Variants in NBEA observed in about 807,000 individuals in gnomAD.
NBEA encodes lysosomal-trafficking regulator 2.
A neutral mutation model predicts 343.4 loss-of-function variants in NBEA; 44 were observed. That is an observed-to-expected ratio of 0.13 (90% CI 0.10 to 0.16). The LOEUF is 0.16. NBEA is among the 10% of genes least tolerant of loss of function. The pLI, the probability that NBEA is intolerant of heterozygous loss-of-function variation, is 1.00. For synonymous variants in NBEA, 1,175 were observed against 1,238.7 expected (o/e 0.95, Z 1.08); for missense variants, 2,555 against 3,631.3 (o/e 0.70, Z 7.62).
intron 41 of NBEA, among the ~76,000 whole-genome samples, chr13:35,525,416 G>A (rs778518168): frequency 1.2e-4 from 19 of 152,090 alleles, no homozygotes; most frequent in Non-Finnish European, 2.4e-4. Flanking sequence ...AGCCAGTCGT[G>A]GTGGCGCATG....
rs193066744 is a variant in NBEA at position 35,160,004 on chromosome 13, G to A, written c.3833G>A (p.Arg1278Gln). Residue 1278 changes from arginine to glutamine, a missense_variant, in exon 22 of 59, where the codon CGA becomes CAA. Transcript: ENST00000379939. ...GGCAAAGAATCAGGAAAAGAAATCC[G>A]AAAAATCCAAACAACTACTACGACA... ...DDGKESGKEI[R>Q]KIQTTTTTQA... is the part of the protein sequence containing the mutation. 1.7e-3 allele frequency: 2,753 copies of A among 1,585,416 alleles called. 6 individuals carry two copies. Among genetic ancestry groups the A allele is most frequent in the Non-Finnish European group, 2.1e-3 (2,476 of 1,167,924 alleles).
intron 34 of NBEA, among the ~76,000 whole-genome samples, chr13:35,271,738 G>A (rs529054986): frequency 6.6e-6 from 1 of 152,268 alleles, no homozygotes; most frequent in African/African-American, 2.4e-5. Flanking sequence ...AATAGATCAA[G>A]TTGAAGAAAG....
At chr13:35,330,488 G>A (rs547187391) in intron 36 of NBEA, among the ~76,000 whole-genome samples, 2 of 151,904 alleles carry the variant, frequency 1.3e-5, no homozygotes, top group Non-Finnish European at 2.9e-5. Flanking sequence ...GAAGGGATGG[G>A]TTTCATCCAG....
intron 45 of NBEA, among the ~76,000 whole-genome samples, chr13:35,570,198 T>G (rs979336221): frequency 2.6e-5 from 4 of 152,152 alleles, no homozygotes; most frequent in Non-Finnish European, 5.9e-5. Flanking sequence ...CAAACCTGGC[T>G]AATTTTTTTG....
chr13:35,070,269 T>C (rs1419373017), intron 9 of NBEA, among the ~76,000 whole-genome samples, 164 bp downstream of exon 9: 2 of 152,142 alleles, frequency 1.3e-5, no homozygotes, highest in African/African-American at 4.8e-5. Context: ...CTCTTTTCTA[T>C]AGCAATATAC....
At chr13:35,037,647 A>G (rs112938604) in intron 1 of NBEA, among the ~76,000 whole-genome samples, 15,868 of 152,154 alleles carry the variant, frequency 0.1, 976 homozygotes, top group African/African-American at 0.16. Context: ...ACCAGGCAGA[A>G]TCTCTTGTTC....
intron 38 of NBEA, among the ~76,000 whole-genome samples, chr13:35,400,591 T>C (rs1399087318): frequency 2.0e-5 from 3 of 152,132 alleles, no homozygotes; most frequent in African/African-American, 7.2e-5. Flanking sequence ...TCCAAGATGA[T>C]AGAAAAATAC....
intron 40 of NBEA, among the ~76,000 whole-genome samples, chr13:35,469,026 G>A (rs1449031263): frequency 6.6e-6 from 1 of 150,716 alleles, no homozygotes; most frequent in Non-Finnish European, 1.5e-5. Context: ...TTGAGCTCGG[G>A]GGGCAGAAGT....
rs140187671 is a variant in NBEA, at chr13:35,413,735, A to C, written c.6180-18534A>C. Among the ~76,000 whole-genome samples, 34 of 152,250 alleles carry C rather than the reference A, an allele frequency of 2.2e-4. No individual in the cohort carries two copies. In the East Asian group the frequency reaches 6.6e-3, roughly 29 times the overall value. ...TCCCTTCATTAATTATTGATTGTTC[A>C]TATGTTCTTTTCTTGCAGTAGTACA... On this transcript the variant is annotated intron_variant, in intron 38 of 58. Transcript: ENST00000379939.
In NBEA at chr13:35,159,995, A is replaced by G. The variant is rs187963260; in HGVS notation, c.3824A>G (p.Lys1275Arg). 8.8e-5 allele frequency: 140 copies of G among 1,589,056 alleles called. 2 individuals are homozygous for G. In the Admixed American group the frequency reaches 2.4e-3, roughly 27 times the overall value. ...ERSDDGKESG[K>R]EIRKIQTTTT... is the part of the protein sequence containing the mutation. ...TCTGACGATGGCAAAGAATCAGGAA[A>G]AGAAATCCGAAAAATCCAAACAACT... Residue 1275 changes from lysine (K) to arginine (R), a missense_variant, in exon 22 of 59, where the codon AAA becomes AGA. Around this residue, in one of 21 missense-constraint regions of NBEA, gnomAD observed 367 missense variants for 377.5 expected, o/e 0.97. Coordinates refer to ENST00000379939, the MANE Select transcript of NBEA (RefSeq NM_001385012.1).
chr13:35,087,194 T>G (rs762333725), intron 10 of NBEA, among the ~76,000 whole-genome samples: 2 of 151,848 alleles, frequency 1.3e-5, no homozygotes, highest in Non-Finnish European at 2.9e-5. Context: ...TTGTCTGTAC[T>G]TTTGAGGTCT....
In NBEA at chr13:35,225,777, G is replaced by A. The variant is rs78669680; in HGVS notation, c.5649-6715G>A. ...AGGTTAGCAAGTTCATGCATCCTAAGTCTTCTTGGAGTTCCTATCCTCAGA... is the reference window on the plus strand; with the variant it reads ...AGGTTAGCAAGTTCATGCATCCTAAATCTTCTTGGAGTTCCTATCCTCAGA... On this transcript the variant is annotated intron_variant, in intron 33 of 58. Transcript: ENST00000379939. 2.0e-3 allele frequency among the ~76,000 whole-genome samples: 308 copies of A among 152,150 alleles called. 1 individual carries two copies. Among genetic ancestry groups the A allele is most frequent in the African/African-American group, 6.8e-3 (284 of 41,514 alleles).
intron 38 of NBEA, among the ~76,000 whole-genome samples, chr13:35,431,400 T>C (rs1040937786): frequency 1.3e-4 from 20 of 152,186 alleles, no homozygotes; most frequent in African/African-American, 4.8e-4. Context: ...TAAGCAGTGG[T>C]ATTTATTACT....
At chr13:35,174,142 G>A (rs2070693356) in intron 27 of NBEA, among the ~76,000 whole-genome samples, 1 of 152,016 alleles carries the variant, frequency 6.6e-6, no homozygotes, top group African/African-American at 2.4e-5. Flanking sequence ...ACCCTTGCTT[G>A]TGCTGTTTTA....
intron 36 of NBEA, among the ~76,000 whole-genome samples, chr13:35,340,100 G>T (rs374728800): frequency 2.0e-5 from 3 of 152,186 alleles, no homozygotes; most frequent in Admixed American, 6.6e-5. Flanking sequence ...TAGAATTGCC[G>T]TATTATCCAG....
At position 35,084,644 on chromosome 13, in the gene NBEA, T is replaced by C. The variant is rs141328943; in HGVS notation, c.1572-13653T>C. ...AAGAGTAAGCAGGAAAGATCTAAAATTGACACCCTAACATCACAATTAAAA... is the reference window on the plus strand; with the variant it reads ...AAGAGTAAGCAGGAAAGATCTAAAACTGACACCCTAACATCACAATTAAAA... On this transcript the variant is annotated intron_variant, in intron 10 of 58. Transcript: ENST00000379939. Among the ~76,000 whole-genome samples the C allele has an allele frequency of 6.2e-4, 95 of 152,128 alleles. No homozygotes were observed. In the East Asian group the frequency reaches 0.013, roughly 21 times the overall value.
At chr13:35,171,210 A>T in intron 25 of NBEA, 62 bp from the exon 26 acceptor site, 1 of 1,209,390 alleles carries the variant, frequency 8.3e-7, no homozygotes, top group Admixed American at 1.8e-5. Context: ...ATGTATGTAT[A>T]TGTATTATAT....
intron 41 of NBEA, among the ~76,000 whole-genome samples, chr13:35,473,077 A>G (rs957151554): frequency 6.6e-6 from 1 of 152,242 alleles, no homozygotes; most frequent in Non-Finnish European, 1.5e-5. Context: ...GATTTTAAAT[A>G]TATATGCTAG....
At chr13:35,670,679 G>A (rs538006381) in intron 58 of NBEA, among the ~76,000 whole-genome samples, 12 of 152,348 alleles carry the variant, frequency 7.9e-5, no homozygotes, top group Admixed American at 2.6e-4. Context: ...TCTGCAGCAG[G>A]GCTGGCTGTC....
Sources: gnomAD v4.1 joint callset for allele counts (sites outside exome capture counted in the v4.1 genomes callset) on GRCh38, gnomAD v4.1.1 for gene constraint, gnomAD v4.1.1 regional missense constraint, MANE v1.5 for transcripts, NCBI Gene and HGNC (gene_info 2026-07-23, HGNC 2026-07-21) for gene names.